ASH1L: variants seen among roughly 807,000 people sequenced by gnomAD.
ASH1L encodes histone-lysine N-methyltransferase ASH1L.
ASH1L carries 23 observed loss-of-function variants against 269.0 expected under a neutral mutation model. That is an observed-to-expected ratio of 0.09 (90% CI 0.06 to 0.12). The LOEUF (loss-of-function observed/expected upper bound fraction) is 0.12, where lower values mean the gene tolerates loss of function less well. Among genes scored for constraint, ASH1L ranks in the 10% least tolerant of loss-of-function variants. The pLI is 1.00. For missense variants in ASH1L, 2,912 were observed against 3,567.8 expected, an observed-to-expected ratio of 0.82 and a Z score of 4.68; for synonymous variants, 1,187 against 1,253.5, an observed-to-expected ratio of 0.95 and a Z score of 1.12.
chr1:155,340,185 T>A (rs1220552079), intron 25 of ASH1L, among the ~76,000 whole-genome samples: 1 of 152,032 alleles, frequency 6.6e-6, no homozygotes, highest in Non-Finnish European at 1.5e-5. Flanking sequence ...GGTTAGCTTA[T>A]TTTTCTTTCT....
intron 1 of ASH1L, among the ~76,000 whole-genome samples, chr1:155,556,719 G>A (rs374226062): frequency 3.3e-5 from 5 of 152,096 alleles, no homozygotes; most frequent in East Asian, 1.9e-4. Flanking sequence ...GGGATGACAG[G>A]TGTGAGCCAC....
intron 20 of ASH1L, 137 bp from the exon 21 acceptor site, chr1:155,346,606 A>AAC: frequency 1.4e-6 from 1 of 693,450 alleles, no homozygotes; most frequent in Non-Finnish European, 2.5e-6. Flanking sequence ...TGAATGATAA[A>AAC]TTAGAGATAA....
rs566192121 is a variant in ASH1L at position 155,508,105 on chromosome 1, T to C, written c.420+12995A>G. Among the ~76,000 whole-genome samples the C allele has an allele frequency of 2.4e-4, 36 of 152,242 alleles. 1 individual carries two copies. The South Asian group carries it at 2.5e-3, about 11-fold the overall frequency. On this transcript the variant is annotated intron_variant, in intron 2 of 27. Coordinates refer to ENST00000392403, the MANE Select transcript of ASH1L (RefSeq NM_018489.3). ...TAAATGCTGGAAAGAAATGTACCATTGCTCCATCTCCTTTTAAGTTACTGT... is the reference window on the plus strand; with the variant it reads ...TAAATGCTGGAAAGAAATGTACCATCGCTCCATCTCCTTTTAAGTTACTGT...
chr1:155,386,901 T>C (rs1418200237), intron 7 of ASH1L, among the ~76,000 whole-genome samples: 1 of 152,208 alleles, frequency 6.6e-6, no homozygotes, highest in African/African-American at 2.4e-5. Flanking sequence ...CGTCATGAAG[T>C]CTTTGCCTGT....
intron 7 of ASH1L, among the ~76,000 whole-genome samples, chr1:155,391,880 T>C (rs1657955872): frequency 6.6e-6 from 1 of 151,936 alleles, no homozygotes; most frequent in South Asian, 2.1e-4. Flanking sequence ...CACTTGAGCC[T>C]AGGAGGTAGA....
intron 5 of ASH1L, among the ~76,000 whole-genome samples, chr1:155,422,374 T>C (rs1031021472): frequency 6.7e-6 from 1 of 149,224 alleles, no homozygotes; most frequent in Non-Finnish European, 1.5e-5. Context: ...AATGGCATGA[T>C]CTCGCCTCAC....
At chr1:155,560,944 C>T (rs1017512901) in intron 1 of ASH1L, among the ~76,000 whole-genome samples, 1 of 151,934 alleles carries the variant, frequency 6.6e-6, no homozygotes, top group East Asian at 1.9e-4. Context: ...ACAAGCCAAC[C>T]AGTCTTATGT....
At chr1:155,411,582 A>AACATATATATATATATATATATATATAT in intron 6 of ASH1L, among the ~76,000 whole-genome samples, 1 of 48,418 alleles carries the variant, frequency 2.1e-5, no homozygotes, top group African/African-American at 8.0e-5. Flanking sequence ...TAAATAAATA[A>AACATATATATATATATATATATATATAT]ATAAATATAT....
chr1:155,471,481 T>G (rs544857749), intron 3 of ASH1L, among the ~76,000 whole-genome samples: 15 of 152,342 alleles, frequency 9.8e-5, no homozygotes, highest in African/African-American at 3.6e-4. Flanking sequence ...CCGGCCTACC[T>G]AACAGAGCCC....
intron 4 of ASH1L, among the ~76,000 whole-genome samples, chr1:155,445,404 C>T (rs1383471463): frequency 1.3e-5 from 2 of 151,954 alleles, no homozygotes; most frequent in African/African-American, 2.4e-5. Flanking sequence ...AGGCTGGTCT[C>T]GAACTCCTGA....
intron 6 of ASH1L, among the ~76,000 whole-genome samples, chr1:155,408,014 T>A (rs957456778): frequency 6.6e-6 from 1 of 152,126 alleles, no homozygotes; most frequent in Non-Finnish European, 1.5e-5. Flanking sequence ...ACACTTAATA[T>A]CTCAATAAAG....
chr1:155,553,833 G>C (rs1477951016), intron 1 of ASH1L, among the ~76,000 whole-genome samples: 5 of 147,150 alleles, frequency 3.4e-5, no homozygotes, highest in African/African-American at 1.3e-4. Flanking sequence ...AAATCTCACT[G>C]TCACCCAGGC....
chr1:155,435,946 G>A (rs1295616934), intron 5 of ASH1L, among the ~76,000 whole-genome samples: 5 of 152,162 alleles, frequency 3.3e-5, no homozygotes, highest in Non-Finnish European at 5.9e-5. Context: ...AGCTGCTCAA[G>A]AGGCTGAAGC....
intron 3 of ASH1L, among the ~76,000 whole-genome samples, chr1:155,468,660 A>G (rs541745542): frequency 6.6e-6 from 1 of 152,302 alleles, no homozygotes; most frequent in African/African-American, 2.4e-5. Context: ...CAGGATAATA[A>G]TATCCTGAAG....
At chr1:155,537,725 T>C (rs1273173362) in intron 1 of ASH1L, among the ~76,000 whole-genome samples, 2 of 151,978 alleles carry the variant, frequency 1.3e-5, no homozygotes, top group African/African-American at 4.8e-5. Flanking sequence ...CAAAATTTCT[T>C]AGATATGACA....
At chr1:155,544,019 G>A (rs915976701) in intron 1 of ASH1L, among the ~76,000 whole-genome samples, 2 of 151,864 alleles carry the variant, frequency 1.3e-5, no homozygotes, top group South Asian at 2.1e-4. Flanking sequence ...AGGGTCTTTC[G>A]ATGTCACCCA....
chr1:155,443,590 A>G (rs1662767340), intron 4 of ASH1L, among the ~76,000 whole-genome samples: 1 of 152,228 alleles, frequency 6.6e-6, no homozygotes, highest in Non-Finnish European at 1.5e-5. Flanking sequence ...TTCCAAGAAA[A>G]TAAATTGCCT....
Position 155,562,799 on chromosome 1 carries a change from G to GCCTCCT in ASH1L, c.-747_-746insAGGAGG, listed in dbSNP as rs748963366. 7 of 608,746 alleles carry GCCTCCT rather than the reference G, an allele frequency of 1.1e-5. No individual in the cohort carries two copies. The highest frequency in any genetic ancestry group is 4.5e-5 in the Admixed American group (2 of 44,266). 37.7% of individuals were successfully genotyped at this position (608,746 alleles called of 1,614,324 possible). On this transcript the variant is annotated 5_prime_UTR_variant, in exon 1 of 28. Coordinates refer to ENST00000392403, the MANE Select transcript of ASH1L (RefSeq NM_018489.3). The stretch of plus-strand genomic sequence containing the variant: ...CGTACCTTCAACGGCGCAAGCCCAA[G>GCCTCCT]CCTCCTCCTCCTCCTCCTCCACCTC...
intron 16 of ASH1L, among the ~76,000 whole-genome samples, chr1:155,354,035 A>G (rs1257105732): frequency 6.6e-6 from 1 of 152,246 alleles, no homozygotes; most frequent in Non-Finnish European, 1.5e-5. Flanking sequence ...TGGATAGGTT[A>G]TTACTGACTG....
Sources: gnomAD v4.1 joint callset for allele counts (sites outside exome capture counted in the v4.1 genomes callset) on GRCh38, gnomAD v4.1.1 for gene constraint, MANE v1.5 for transcripts, NCBI Gene and HGNC (gene_info 2026-07-23, HGNC 2026-07-21) for gene names.